PRKG1: variants seen among roughly 807,000 people sequenced by gnomAD.
PRKG1 encodes the protein cGMP-dependent protein kinase 1.
In PRKG1, 35 loss-of-function variants were observed where a neutral mutation model predicts 88.1. The observed-to-expected ratio is 0.40, with a 90% CI of 0.30 to 0.53. The LOEUF (loss-of-function observed/expected upper bound fraction) is 0.53, where lower values mean the gene tolerates loss of function less well. Among genes scored for constraint, PRKG1 ranks in the 20% least tolerant of loss-of-function variants. The pLI is 0.59. For synonymous variants in PRKG1, 303 were observed against 292.5 expected (o/e 1.04, Z -0.37); for missense variants, 540 against 839.8 (o/e 0.64, Z 4.41).
At chr10:51,379,456 C>T (rs1235007297) in intron 2 of PRKG1, among the ~76,000 whole-genome samples, 3 of 152,134 alleles carry the variant, frequency 2.0e-5, no homozygotes, top group Non-Finnish European at 2.9e-5. Context: ...ATATTAGTTG[C>T]TGTGGTCATT....
chr10:51,906,705 A>G (rs576095076), intron 4 of PRKG1, among the ~76,000 whole-genome samples: 3 of 152,206 alleles, frequency 2.0e-5, no homozygotes, highest in Non-Finnish European at 4.4e-5. Flanking sequence ...ACATAAAAAG[A>G]TGCCAGACTC....
At chr10:51,037,870 C>T (rs1843371428) in intron 1 of PRKG1, among the ~76,000 whole-genome samples, 1 of 152,124 alleles carries the variant, frequency 6.6e-6, no homozygotes, top group African/African-American at 2.4e-5. Flanking sequence ...CAATTAATTA[C>T]ATGGCCTCAC....
At chr10:52,107,436 G>A (rs1025990129) in intron 7 of PRKG1, among the ~76,000 whole-genome samples, 1 of 151,986 alleles carries the variant, frequency 6.6e-6, no homozygotes, top group Non-Finnish European at 1.5e-5. Flanking sequence ...AAATGAGATC[G>A]AGCATCTAAG....
chr10:51,809,925 G>C (rs1839410074), intron 4 of PRKG1, among the ~76,000 whole-genome samples: 1 of 151,756 alleles, frequency 6.6e-6, no homozygotes, highest in Non-Finnish European at 1.5e-5. Context: ...ATCCTCCCTT[G>C]TCCCAGTCAC....
In PRKG1 at chr10:51,216,962, A is replaced by G. The variant is rs554105104; in HGVS notation, c.478+63632A>G. On this transcript the variant is annotated intron_variant, in intron 2 of 17. Coordinates refer to ENST00000373980, the MANE Select transcript of PRKG1 (RefSeq NM_006258.4). ...TAAAATCATTGTCATTTTCCATCTT[A>G]TAAGACAAAACATAAATCTAGCCTG... 3.3e-5 allele frequency among the ~76,000 whole-genome samples: 5 copies of G among 152,292 alleles called. No homozygotes were observed. The South Asian group carries it at 1.0e-3, about 32-fold the overall frequency.
intron 12 of PRKG1, among the ~76,000 whole-genome samples, chr10:52,279,538 C>G (rs1342734297): frequency 6.6e-6 from 1 of 152,086 alleles, no homozygotes; most frequent in African/African-American, 2.4e-5. Context: ...CTGGAAGACA[C>G]TACCTATTTC....
chr10:51,334,232 T>C (rs1841817831), intron 2 of PRKG1, among the ~76,000 whole-genome samples: 1 of 150,716 alleles, frequency 6.6e-6, no homozygotes, highest in South Asian at 2.1e-4. Flanking sequence ...TTGACCATCT[T>C]TGCTTGGGTG....
intron 1 of PRKG1, among the ~76,000 whole-genome samples, 170 bp from the exon 2 acceptor site, chr10:51,152,990 TTTTG>T (rs869145995): frequency 1.0e-4 from 15 of 148,382 alleles, no homozygotes; most frequent in African/African-American, 3.5e-4. Context: ...TTTTTTTTTT[TTTTG>T]TTTTGCTGCC....
At chr10:51,066,979 G>A (rs968366005) in intron 1 of PRKG1, among the ~76,000 whole-genome samples, 1 of 151,918 alleles carries the variant, frequency 6.6e-6, no homozygotes, top group Non-Finnish European at 1.5e-5. Flanking sequence ...TAAGATCCAT[G>A]ATAACTATGT....
intron 3 of PRKG1, among the ~76,000 whole-genome samples, chr10:51,729,581 C>T (rs986009074): frequency 1.3e-5 from 2 of 151,310 alleles, no homozygotes. Context: ...GTGGCGGGCA[C>T]CTGTAATCCC....
chr10:51,645,807 T>C (rs1038364582), intron 3 of PRKG1, among the ~76,000 whole-genome samples: 1 of 152,192 alleles, frequency 6.6e-6, no homozygotes, highest in East Asian at 1.9e-4. Context: ...TCTTAGCTTT[T>C]TGTACAATTA....
intron 2 of PRKG1, among the ~76,000 whole-genome samples, chr10:51,286,421 C>A (rs943458205): frequency 6.6e-6 from 1 of 152,124 alleles, no homozygotes; most frequent in Non-Finnish European, 1.5e-5. Flanking sequence ...CCATTTTATA[C>A]CTTTTCCCTT....
At chr10:52,105,029 A>G (rs150897004) in intron 7 of PRKG1, among the ~76,000 whole-genome samples, 1,530 of 152,340 alleles carry the variant, frequency 0.01, 23 homozygotes, top group African/African-American at 0.031. Flanking sequence ...CAATAAATAT[A>G]ATGGACAACT....
intron 5 of PRKG1, among the ~76,000 whole-genome samples, chr10:51,936,643 T>C (rs1842805769): frequency 6.6e-6 from 1 of 151,950 alleles, no homozygotes; most frequent in African/African-American, 2.4e-5. Context: ...GGGTAGAGAG[T>C]ATGAGAAAAG....
At chr10:51,084,900 A>T (rs1335890727) in intron 1 of PRKG1, among the ~76,000 whole-genome samples, 1 of 152,232 alleles carries the variant, frequency 6.6e-6, no homozygotes, top group Admixed American at 6.5e-5. Flanking sequence ...TTATGGTAAT[A>T]TCAAGCTTTC....
At chr10:51,019,915 A>G (rs1292568896) in intron 1 of PRKG1, among the ~76,000 whole-genome samples, 2 of 152,152 alleles carry the variant, frequency 1.3e-5, no homozygotes, top group Non-Finnish European at 2.9e-5. Flanking sequence ...ATCACTAGCC[A>G]TTAGGGAAAT....
intron 4 of PRKG1, among the ~76,000 whole-genome samples, chr10:51,856,535 A>T (rs1415489840): frequency 6.6e-6 from 1 of 152,136 alleles, no homozygotes; most frequent in Non-Finnish European, 1.5e-5. Flanking sequence ...GTTAACTTAA[A>T]CCTTTTTTTT....
chr10:52,251,806 T>C (rs1393044855), intron 10 of PRKG1, 140 bp downstream of exon 10: 1 of 710,024 alleles, frequency 1.4e-6, no homozygotes, highest in Non-Finnish European at 2.3e-6. Flanking sequence ...TCCAAATACT[T>C]TGCGGCAGAC....
chr10:52,130,296 T>G (rs892827516), intron 7 of PRKG1, among the ~76,000 whole-genome samples: 4 of 152,202 alleles, frequency 2.6e-5, no homozygotes, highest in African/African-American at 9.6e-5. Context: ...TCTTCTGATC[T>G]TTGATATTTT....
Sources: allele counts gnomAD v4.1 joint callset (sites outside exome capture counted in the v4.1 genomes callset), GRCh38; gene constraint gnomAD v4.1.1; transcripts MANE v1.5; gene names NCBI Gene and HGNC (gene_info 2026-07-23, HGNC 2026-07-21).